CHSY3: variants seen among roughly 807,000 people sequenced by gnomAD.
CHSY3 encodes the protein N-acetylgalactosaminyl-proteoglycan 3-beta-glucuronosyltransferase 3.
Under a neutral mutation model 67.2 loss-of-function variants are expected in CHSY3, and 35 were observed. The observed-to-expected ratio is 0.52, with a 90% CI of 0.40 to 0.69. The LOEUF (loss-of-function observed/expected upper bound fraction) is 0.69. Ranked by LOEUF, CHSY3 falls within the 30% of genes least tolerant of loss-of-function variation. The probability of loss-of-function intolerance (pLI) is 0.00; values close to 1 mark genes in which losing one functional copy is unlikely to be tolerated. For missense variants in CHSY3, 1,069 were observed against 1,138.5 expected (o/e 0.94, Z 0.88); for synonymous variants, 474 against 434.7 (o/e 1.09, Z -1.12).
At chr5:129,912,090 T>A (rs953503185) in intron 2 of CHSY3, among the ~76,000 whole-genome samples, 6 of 152,026 alleles carry the variant, frequency 3.9e-5, no homozygotes, top group African/African-American at 1.4e-4. Flanking sequence ...AAAAACTTAC[T>A]ATGAAATATG....
chr5:130,166,733 A>G (rs1343298101), intron 2 of CHSY3, among the ~76,000 whole-genome samples: 3 of 152,122 alleles, frequency 2.0e-5, no homozygotes, highest in Non-Finnish European at 4.4e-5. Context: ...TGTTATTTTA[A>G]TTGGATGTTT....
At chr5:130,161,943 G>A (rs1476566900) in intron 2 of CHSY3, among the ~76,000 whole-genome samples, 1 of 151,642 alleles carries the variant, frequency 6.6e-6, no homozygotes, top group Non-Finnish European at 1.5e-5. Flanking sequence ...GGGAGGCTGA[G>A]GTGGGAGAAT....
At chr5:129,941,807 A>G (rs555347519) in intron 2 of CHSY3, among the ~76,000 whole-genome samples, 1 of 152,238 alleles carries the variant, frequency 6.6e-6, no homozygotes, top group East Asian at 1.9e-4. Context: ...AAGATTAACC[A>G]CACACCCCAG....
intron 2 of CHSY3, among the ~76,000 whole-genome samples, chr5:130,143,801 TATA>T (rs1768975791): frequency 1.2e-5 from 1 of 81,314 alleles, no homozygotes; most frequent in Non-Finnish European, 2.2e-5. Flanking sequence ...TATATATATA[TATA>T]TGTGTGTATA....
intron 2 of CHSY3, among the ~76,000 whole-genome samples, chr5:130,094,948 G>A (rs959021707): frequency 6.6e-6 from 1 of 152,096 alleles, no homozygotes; most frequent in African/African-American, 2.4e-5. Context: ...CATAGATAAT[G>A]GGAGCTAGGA....
At chr5:129,993,842 C>A (rs1318687339) in intron 2 of CHSY3, among the ~76,000 whole-genome samples, 1 of 151,462 alleles carries the variant, frequency 6.6e-6, no homozygotes, top group African/African-American at 2.4e-5. Flanking sequence ...TTTGCAGTGG[C>A]TGGTACTGGT....
chr5:130,143,654 T>G (rs973092292), intron 2 of CHSY3, among the ~76,000 whole-genome samples: 1 of 149,080 alleles, frequency 6.7e-6, no homozygotes, highest in African/African-American at 2.5e-5. Context: ...TGTCTTTTGG[T>G]GAACATATGT....
At chr5:130,116,985 G>T (rs1232216191) in intron 2 of CHSY3, among the ~76,000 whole-genome samples, 3 of 152,058 alleles carry the variant, frequency 2.0e-5, no homozygotes, top group Non-Finnish European at 2.9e-5. Context: ...GCTTCTTTTG[G>T]GGGAGAGAGT....
At chr5:130,154,548 G>C (rs192924083) in intron 2 of CHSY3, among the ~76,000 whole-genome samples, 2 of 152,080 alleles carry the variant, frequency 1.3e-5, no homozygotes, top group Non-Finnish European at 2.9e-5. Context: ...TCCATCCAGC[G>C]TTGTGATTAT....
chr5:130,011,937 A>C (rs1376798645), intron 2 of CHSY3, among the ~76,000 whole-genome samples: 2 of 152,210 alleles, frequency 1.3e-5, no homozygotes, highest in Non-Finnish European at 2.9e-5. Context: ...AAGAATTACA[A>C]AACACTGTCC....
intron 2 of CHSY3, among the ~76,000 whole-genome samples, chr5:130,107,100 ATTAT>A (rs1646735314): frequency 1.3e-5 from 2 of 151,360 alleles, no homozygotes; most frequent in African/African-American, 2.4e-5. Flanking sequence ...TATTAATATG[ATTAT>A]TTAACATAAC....
chr5:129,961,399 ATTG>A (rs1762322958), intron 2 of CHSY3, among the ~76,000 whole-genome samples: 1 of 152,068 alleles, frequency 6.6e-6, no homozygotes, highest in African/African-American at 2.4e-5. Flanking sequence ...AACTTTTCAA[ATTG>A]AACTCTCATT....
At chr5:130,046,763 G>A (rs1765165307) in intron 2 of CHSY3, among the ~76,000 whole-genome samples, 3 of 151,958 alleles carry the variant, frequency 2.0e-5, no homozygotes, top group Non-Finnish European at 4.4e-5. Flanking sequence ...CATAAAATCA[G>A]CATTTCAGTT....
chr5:130,133,670 G>T (rs1371242818), intron 2 of CHSY3, among the ~76,000 whole-genome samples: 1 of 150,974 alleles, frequency 6.6e-6, no homozygotes, highest in Non-Finnish European at 1.5e-5. Flanking sequence ...TACTTGGGAG[G>T]CTGAGGCACG....
intron 2 of CHSY3, among the ~76,000 whole-genome samples, chr5:129,944,913 TAA>T (rs1290291718): frequency 6.6e-6 from 1 of 152,116 alleles, no homozygotes; most frequent in Non-Finnish European, 1.5e-5. Context: ...AAACAAAAAA[TAA>T]GTGAGTTTTT....
intron 2 of CHSY3, among the ~76,000 whole-genome samples, chr5:130,083,264 G>A (rs905850790): frequency 2.6e-5 from 4 of 151,962 alleles, no homozygotes; most frequent in Non-Finnish European, 4.4e-5. Context: ...TTGATCAGCA[G>A]TAAAGCTAAT....
chr5:130,110,076 A>C (rs905239953), intron 2 of CHSY3, among the ~76,000 whole-genome samples: 7 of 151,886 alleles, frequency 4.6e-5, no homozygotes, highest in Admixed American at 2.0e-4. Context: ...GATAAAGAAA[A>C]ATGTTGGCAG....
intron 2 of CHSY3, among the ~76,000 whole-genome samples, chr5:130,038,738 T>G (rs1353659953): frequency 6.6e-6 from 1 of 152,138 alleles, no homozygotes; most frequent in African/African-American, 2.4e-5. Flanking sequence ...ACTTCCTCCA[T>G]GCTGGGTAGG....
At chr5:130,036,822 T>C (rs1208217523) in intron 2 of CHSY3, among the ~76,000 whole-genome samples, 2 of 152,074 alleles carry the variant, frequency 1.3e-5, no homozygotes, top group African/African-American at 4.8e-5. Context: ...TTATGTGTAT[T>C]GAGGATCCTA....
Sources: gnomAD v4.1 joint callset for allele counts (sites outside exome capture counted in the v4.1 genomes callset) on GRCh38, gnomAD v4.1.1 for gene constraint, MANE v1.5 for transcripts, NCBI Gene and HGNC (gene_info 2026-07-23, HGNC 2026-07-21) for gene names.